Variants in LRRC8A observed in about 807,000 individuals in gnomAD.
The protein encoded by LRRC8A is volume-regulated anion channel subunit LRRC8A.
LRRC8A carries 24 observed loss-of-function variants against 52.5 expected under a neutral mutation model. The observed-to-expected ratio is 0.46, with a 90% confidence interval of 0.33 to 0.64. The LOEUF (loss-of-function observed/expected upper bound fraction) is 0.64. LRRC8A is among the 30% of genes least tolerant of loss of function. The pLI is 0.02. For synonymous variants in LRRC8A, 492 were observed against 494.2 expected, an observed-to-expected ratio of 1.00 and a Z score of 0.06; for missense variants, 677 against 1,094.7, an observed-to-expected ratio of 0.62 and a Z score of 5.38.
At chr9:128,913,980 A>AG (rs1005620345) in intron 3 of LRRC8A, among the ~76,000 whole-genome samples, 1 of 152,156 alleles carries the variant, frequency 6.6e-6, no homozygotes, top group African/African-American at 2.4e-5. Context: ...CGAGGCGGGC[A>AG]GATCACCTGA....
In LRRC8A at chr9:128,907,091, C is replaced by A; in HGVS notation, c.-8-66C>A. 7.8e-7 allele frequency: 1 copy of A among 1,280,836 alleles called. No individual in the cohort carries two copies. Among genetic ancestry groups the A allele is most frequent in the Admixed American group, 2.1e-5 (1 of 47,678 alleles). 79.3% of individuals were successfully genotyped at this position (1,280,836 alleles called of 1,614,324 possible). A position where few individuals can be genotyped will look rare whatever the true frequency, so the allele number is the denominator to read the frequency against. On this transcript the variant is annotated intron_variant, in intron 2 of 3. Transcript: ENST00000372600. The surrounding 1 kb of genome is among the most constrained non-coding windows in gnomAD (Gnocchi z 9.3). ...GAAGAATTTTCATTGTCTTCTTCCC[C>A]TGACCCCTGGTCCTAGGAAAGCCAG...
At chr9:128,897,220 C>G (rs1225714882) in intron 2 of LRRC8A, among the ~76,000 whole-genome samples, 4 of 152,012 alleles carry the variant, frequency 2.6e-5, no homozygotes, top group Non-Finnish European at 2.9e-5. Context: ...TTAAGACAGT[C>G]TCTGATTTTT....
At chr9:128,900,647 G>A (rs1036298073) in intron 2 of LRRC8A, among the ~76,000 whole-genome samples, 2 of 152,164 alleles carry the variant, frequency 1.3e-5, no homozygotes, top group Non-Finnish European at 2.9e-5. Flanking sequence ...GGTACAGGTT[G>A]CAGTGAGCTG....
rs1839055642 is a variant in LRRC8A at position 128,882,200 on chromosome 9, G to GCGGCCGGGGCCTGGGGCTGC, written c.-164_-145dup. ...GCGCTGCGGCCGGCGGCGGGACGGA[G>GCGGCCGGGGCCTGGGGCTGC]CGGCCGGGGCCTGGGGCTGCCTGCC... On this transcript the variant is annotated 5_prime_UTR_variant, in exon 1 of 4. Coordinates refer to ENST00000372600, the MANE Select transcript of LRRC8A (RefSeq NM_019594.4). 6.5e-6 allele frequency: 1 copy of GCGGCCGGGGCCTGGGGCTGC among 153,210 alleles called. No individual in the cohort carries two copies. The allele number at this position is 153,210 out of a possible 1,614,324, so 9.5% of individuals were successfully genotyped here.
rs9031 is a variant in LRRC8A at position 128,917,613 on chromosome 9, C to T, written c.*1242C>T. The T allele has an allele frequency of 0.57, 86,501 of 152,936 alleles. 29,298 individuals are homozygous for T. The highest frequency in any genetic ancestry group is 0.72 in the Non-Finnish European group (48,755 of 68,090). The allele number at this position is 152,936 out of a possible 1,614,324, so 9.5% of individuals were successfully genotyped here. A position where few individuals can be genotyped will look rare whatever the true frequency, so the allele number is the denominator to read the frequency against. On this transcript the variant is annotated 3_prime_UTR_variant, in exon 4 of 4. Transcript: ENST00000372600. ...CTGGCCTCCGCTGCTTCCATCAGCC[C>T]TGTCACCACCTGGTCCTTCATGAAG...
At chr9:128,896,656 T>G (rs1839835724) in intron 2 of LRRC8A, among the ~76,000 whole-genome samples, 1 of 152,210 alleles carries the variant, frequency 6.6e-6, no homozygotes, top group African/African-American at 2.4e-5. Flanking sequence ...CATTGGATTG[T>G]TTTTGTCTTA....
chr9:128,909,359 G>A (rs776938121), intron 3 of LRRC8A, 38 bp downstream of exon 3: 8 of 1,587,902 alleles, frequency 5.0e-6, no homozygotes, highest in East Asian at 2.2e-5. Flanking sequence ...GTGGGCTGGC[G>A]GGTGGCCTGG....
At chr9:128,897,198 A>C (rs1351233668) in intron 2 of LRRC8A, among the ~76,000 whole-genome samples, 1 of 152,132 alleles carries the variant, frequency 6.6e-6, no homozygotes, top group Non-Finnish European at 1.5e-5. Context: ...AGATATTCCT[A>C]TCTTAATGAC....
Position 128,907,577 on chromosome 9 carries a change from C to A in LRRC8A, c.413C>A (p.Ala138Asp). The A allele has an allele frequency of 6.2e-7, 1 of 1,614,166 alleles. No homozygotes were observed. The highest frequency in any genetic ancestry group is 8.5e-7 in the Non-Finnish European group (1 of 1,180,036). The change falls in exon 3 of 4, where the codon GCC (alanine) becomes GAC (aspartate). Residue 138 changes from alanine (A) to aspartate (D), a missense_variant. Transcript: ENST00000372600. This position sits in a 1 kb window ranked among gnomAD's most constrained non-coding sequence, Gnocchi z 9.3. Reference protein sequence around the residue: ...LVLLHTLIFLACSNFWFKFPR... With the variant: ...LVLLHTLIFLDCSNFWFKFPR... ...CTTCTGCACACGCTCATCTTCCTGG[C>A]CTGCAGCAACTTCTGGTTCAAATTC...
intron 2 of LRRC8A, among the ~76,000 whole-genome samples, chr9:128,889,476 T>A (rs952336378): frequency 7.8e-6 from 1 of 128,942 alleles, no homozygotes; most frequent in African/African-American, 3.0e-5. Flanking sequence ...ACTGGACAGG[T>A]TTTTTTTTTT....
chr9:128,900,091 C>T (rs924022242), intron 2 of LRRC8A, among the ~76,000 whole-genome samples: 1 of 152,188 alleles, frequency 6.6e-6, no homozygotes, highest in African/African-American at 2.4e-5. Flanking sequence ...CTGGGCCCCT[C>T]CCTGTGGGGA....
In LRRC8A at chr9:128,908,580, G is replaced by T; in HGVS notation, c.1416G>T (p.Lys472Asn). Reference sequence around the variant, plus strand: ...GCATTGCCCAGCTCACGGGCCTCAAGGAGCTGTGGCTCTACCACACAGCGG... The same window carrying T: ...GCATTGCCCAGCTCACGGGCCTCAATGAGCTGTGGCTCTACCACACAGCGG... ...PPSIAQLTGLKELWLYHTAAK... is the reference protein window; with the variant it reads ...PPSIAQLTGLNELWLYHTAAK... Residue 472 changes from lysine to asparagine, a missense_variant, in exon 3 of 4, where the codon AAG becomes AAT. Lys to Asn is a moderately conservative substitution (Grantham distance 94). Around this residue, in one of 4 missense-constraint regions of LRRC8A, gnomAD observed 422 missense variants for 741.5 expected, o/e 0.57. Coordinates refer to ENST00000372600, the MANE Select transcript of LRRC8A (RefSeq NM_019594.4). 1 of 1,612,756 alleles carries T rather than the reference G, an allele frequency of 6.2e-7. No homozygotes were observed. Among genetic ancestry groups the T allele is most frequent in the Non-Finnish European group, 8.5e-7 (1 of 1,179,976 alleles).
chr9:128,907,658 A>G lies in LRRC8A; in HGVS notation c.494A>G (p.Asp165Gly). The G allele has an allele frequency of 6.2e-7, 1 of 1,613,902 alleles. No homozygotes were observed. The highest frequency in any genetic ancestry group is 8.5e-7 in the Non-Finnish European group (1 of 1,179,984). The change falls in exon 3 of 4, where the codon GAC becomes GGC. Residue 165 changes from aspartate (D) to glycine (G), a missense_variant. Physicochemically the swap from Asp to Gly is moderately conservative, Grantham distance 94 (BLOSUM62 -1). Coordinates refer to ENST00000372600, the MANE Select transcript of LRRC8A (RefSeq NM_019594.4). This position sits in a 1 kb window ranked among gnomAD's most constrained non-coding sequence, Gnocchi z 9.3. Reference sequence around the variant, plus strand: ...GTGTCTATCCTGCTGAAGTGCTTCGACTCGCCCTGGACCACGAGGGCCCTG... The same window carrying G: ...GTGTCTATCCTGCTGAAGTGCTTCGGCTCGCCCTGGACCACGAGGGCCCTG... ...HFVSILLKCF[D>G]SPWTTRALSE...
chr9:128,918,034 C>T lies in LRRC8A; in HGVS notation c.*1663C>T, dbSNP rs1840900832. ...TCACAGTATCAAATAAAATCTATAA[C>T]AGAAAGTGGCCTTTGGAGGTCTTTG... On this transcript the variant is annotated 3_prime_UTR_variant, in exon 4 of 4. Coordinates refer to ENST00000372600, the MANE Select transcript of LRRC8A (RefSeq NM_019594.4). 1 of 152,658 alleles carries T rather than the reference C, an allele frequency of 6.6e-6. No individual in the cohort carries two copies. The highest frequency in any genetic ancestry group is 2.1e-4 in the South Asian group (1 of 4,834). The allele number at this position is 152,658 out of a possible 1,614,324, so 9.5% of individuals were successfully genotyped here.
Position 128,916,976 on chromosome 9 carries a change from A to G in LRRC8A, c.*605A>G. On this transcript the variant is annotated 3_prime_UTR_variant, in exon 4 of 4. Coordinates refer to ENST00000372600, the MANE Select transcript of LRRC8A (RefSeq NM_019594.4). The surrounding 1 kb of genome is among the most constrained non-coding windows in gnomAD (Gnocchi z 6.1). ...CACGGGAGAGCAGGCCTCCAGCTGG[A>G]AAGGCCAGGCCTGGAGCTTGCCTCT... The G allele has an allele frequency of 6.6e-6, 1 of 151,652 alleles. No homozygotes were observed. The highest frequency in any genetic ancestry group is 1.9e-4 in the East Asian group (1 of 5,160). The allele number at this position is 151,652 out of a possible 1,614,324, so 9.4% of individuals were successfully genotyped here. A position where few individuals can be genotyped will look rare whatever the true frequency, so the allele number is the denominator to read the frequency against.
At chr9:128,887,397 C>T (rs1382999790) in intron 2 of LRRC8A, among the ~76,000 whole-genome samples, 2 of 152,038 alleles carry the variant, frequency 1.3e-5, no homozygotes, top group African/African-American at 4.8e-5. Flanking sequence ...CTCCTGGGTT[C>T]AAGAGATGCT....
rs1309676395 is a variant in LRRC8A, at chr9:128,902,483, A to G, written c.-8-4674A>G. On this transcript the variant is annotated intron_variant, in intron 2 of 3. Coordinates refer to ENST00000372600, the MANE Select transcript of LRRC8A (RefSeq NM_019594.4). The surrounding 1 kb of genome is among the most constrained non-coding windows in gnomAD (Gnocchi z 4.1). ...CGCAGAGGAAGCAGGTGTTTCTGTG[A>G]GCGAACACACCCCACTCCCTGAACA... 6.6e-6 allele frequency among the ~76,000 whole-genome samples: 1 copy of G among 152,076 alleles called. No homozygotes were observed. The highest frequency in any genetic ancestry group is 1.5e-5 in the Non-Finnish European group (1 of 68,028).
Position 128,914,077 on chromosome 9 carries a change from C to T in LRRC8A, c.2158-2019C>T, listed in dbSNP as rs983768534. ...AAAATTAGCCGGGCATGGTGGTATG[C>T]GGCTGTAATCCCAGCTACTCGGGAG... On this transcript the variant is annotated intron_variant, in intron 3 of 3. Coordinates refer to ENST00000372600, the MANE Select transcript of LRRC8A (RefSeq NM_019594.4). Among the ~76,000 whole-genome samples the T allele has an allele frequency of 5.3e-5, 8 of 152,172 alleles. No individual in the cohort carries two copies. In the South Asian group the frequency reaches 1.2e-3, roughly 24 times the overall value.
At chr9:128,882,489 C>T (rs1839104561) in intron 1 of LRRC8A, 1 of 386,822 alleles carries the variant, frequency 2.6e-6, no homozygotes, top group Non-Finnish European at 4.6e-6. Context: ...CCCAGGCACC[C>T]CTGTGCCTCC....
Sources: allele counts gnomAD v4.1 joint callset (sites outside exome capture counted in the v4.1 genomes callset), GRCh38; gene constraint gnomAD v4.1.1; regional missense constraint gnomAD v4.1.1; non-coding constraint Gnocchi (gnomAD v3.1); transcripts MANE v1.5; gene names NCBI Gene and HGNC (gene_info 2026-07-23, HGNC 2026-07-21).